Variants in CORO1B observed in about 807,000 individuals in gnomAD.
CORO1B encodes the protein coronin 1B, also known as coronin-1B.
Under a neutral mutation model 51.1 loss-of-function variants are expected in CORO1B, and 30 were observed. The observed-to-expected ratio is 0.59, with a 90% confidence interval of 0.44 to 0.80. CORO1B has a LOEUF of 0.80. Ranked by LOEUF, CORO1B falls within the 30% of genes least tolerant of loss-of-function variation. The pLI is 0.00. For synonymous variants in CORO1B, 310 were observed against 289.7 expected (o/e 1.07, Z -0.71); for missense variants, 648 against 700.4 (o/e 0.93, Z 0.84).
rs1176056721 is a variant in CORO1B, at chr11:67,441,993, G to A, written c.297C>T (p.Ala99=). Residue 99 remains alanine (A), a synonymous_variant, in exon 3 of 11, where the codon GCC becomes GCT. Transcript: ENST00000341356. ...DWCPHNDEVI[A]SGSEDCTVMV... The stretch of plus-strand genomic sequence containing the variant: ...TGACCGTGCAGTCCTCCGAGCCGCT[G>A]GCTATGACTTCGTCGTTGTGAGGAC... 6 of 1,613,156 alleles carry A rather than the reference G, an allele frequency of 3.7e-6. No homozygotes were observed. The highest frequency in any genetic ancestry group is 3.3e-5 in the Admixed American group (2 of 60,004).
chr11:67,436,712 C>G lies in CORO1B; in HGVS notation c.*1664G>C, dbSNP rs1228710345. 1.2e-5 allele frequency: 3 copies of G among 247,174 alleles called. No homozygotes were observed. The highest frequency in any genetic ancestry group is 5.0e-5 in the Admixed American group (1 of 20,066). 15.3% of individuals were successfully genotyped at this position (247,174 alleles called of 1,614,324 possible). ...AAACTTCACCCCAGTGAGGCTGAACCTGACCTTAACCTCTACCCTGATGTC... is the reference window on the plus strand; with the variant it reads ...AAACTTCACCCCAGTGAGGCTGAACGTGACCTTAACCTCTACCCTGATGTC... On this transcript the variant is annotated 3_prime_UTR_variant, in exon 11 of 11. Transcript: ENST00000341356.
Position 67,438,396 on chromosome 11 carries a change from TGCGGCCCAGCTGCTCCTCCAG to T in CORO1B, c.1429_1449del (p.Leu477_Arg483del), listed in dbSNP as rs1864329479. ...TGGCCCTACGCATCCCCGTTCTCCATGCGGCCCAGCTGCTCCTCCAGGCGGCAGATGCGGTCGCCCTGCTCC... is the reference window on the plus strand; with the variant it reads ...TGGCCCTACGCATCCCCGTTCTCCATGCGGCAGATGCGGTCGCCCTGCTCC... On this transcript the variant is annotated inframe_deletion, in exon 11 of 11. Transcript: ENST00000341356. 1.9e-6 allele frequency: 3 copies of T among 1,607,940 alleles called. No individual in the cohort carries two copies. In the South Asian group the frequency reaches 3.3e-5, roughly 18 times the overall value.
rs753471428 is a variant in CORO1B at position 67,435,944 on chromosome 11, G to A, written c.*2432C>T. 6.2e-6 allele frequency: 10 copies of A among 1,613,506 alleles called. No homozygotes were observed. In the Admixed American group the frequency reaches 1.5e-4, roughly 24 times the overall value. On this transcript the variant is annotated 3_prime_UTR_variant, in exon 11 of 11. Coordinates refer to ENST00000341356, the MANE Select transcript of CORO1B (RefSeq NM_020441.3). ...CACGGGGACCTGCTCTGGGCTGGAC[G>A]CCTCTCCACATTGCTGCTCGCCTTC... is the stretch of plus-strand genomic sequence containing the variant.
At chr11:67,439,621 A>G (rs888317668) in intron 9 of CORO1B, among the ~76,000 whole-genome samples, 165 bp downstream of exon 9, 1 of 152,104 alleles carries the variant, frequency 6.6e-6, no homozygotes, top group Non-Finnish European at 1.5e-5. Context: ...CCTGACTGGC[A>G]CAGCCCAACA....
Position 67,436,345 on chromosome 11 carries a change from C to T in CORO1B, c.*2031G>A. 1 of 1,467,898 alleles carries T rather than the reference C, an allele frequency of 6.8e-7. No homozygotes were observed. The highest frequency in any genetic ancestry group is 9.0e-7 in the Non-Finnish European group (1 of 1,110,410). The allele number at this position is 1,467,898 out of a possible 1,614,324, so 90.9% of individuals were successfully genotyped here. ...GCATCCCGAGCCCTAAGGTGCAGGG[C>T]AGAGCCTGTGGGAGACAGGCAGGGG... On this transcript the variant is annotated 3_prime_UTR_variant, in exon 11 of 11. Transcript: ENST00000341356.
Position 67,435,685 on chromosome 11 carries a change from C to T in CORO1B, c.*2691G>A, listed in dbSNP as rs377743059. ...GCCATGGCATCTTGGGAAGCAGAGGCACGGGGAGTGAGCGGCTGTGACAGG... is the reference window on the plus strand; with the variant it reads ...GCCATGGCATCTTGGGAAGCAGAGGTACGGGGAGTGAGCGGCTGTGACAGG... On this transcript the variant is annotated 3_prime_UTR_variant, in exon 11 of 11. Coordinates refer to ENST00000341356, the MANE Select transcript of CORO1B (RefSeq NM_020441.3). The T allele has an allele frequency of 5.1e-5, 76 of 1,496,884 alleles. No individual in the cohort carries two copies. The highest frequency in any genetic ancestry group is 1.8e-4 in the Middle Eastern group (1 of 5,498). The allele number at this position is 1,496,884 out of a possible 1,614,324, so 92.7% of individuals were successfully genotyped here. A position where few individuals can be genotyped will look rare whatever the true frequency, so the allele number is the denominator to read the frequency against.
rs887135729 is a variant in CORO1B, at chr11:67,438,139, C to T, written c.*237G>A. 16 of 466,104 alleles carry T rather than the reference C, an allele frequency of 3.4e-5. No homozygotes were observed. Among genetic ancestry groups the T allele is most frequent in the Non-Finnish European group, 4.9e-5 (13 of 266,204 alleles). The allele number at this position is 466,104 out of a possible 1,614,324, so 28.9% of individuals were successfully genotyped here. On this transcript the variant is annotated 3_prime_UTR_variant, in exon 11 of 11. Transcript: ENST00000341356. ...AGGGAGCAGAGGGCTGGGCAGTGGT[C>T]GGGGAGATGGTCCCTCAGAGGTCGA...
Position 67,435,741 on chromosome 11 carries a change from C to T in CORO1B, c.*2635G>A, listed in dbSNP as rs149195438. 44 of 1,536,776 alleles carry T rather than the reference C, an allele frequency of 2.9e-5. No individual in the cohort carries two copies. The highest frequency in any genetic ancestry group is 1.5e-4 in the African/African-American group (11 of 73,068). On this transcript the variant is annotated 3_prime_UTR_variant, in exon 11 of 11. Coordinates refer to ENST00000341356, the MANE Select transcript of CORO1B (RefSeq NM_020441.3). ...GACACCAAGACCGGCCTCTACAGTG[C>T]GGTGACATGGAGGCCCTGGCCCCCA...
Position 67,441,980 on chromosome 11 carries a change from C to A in CORO1B, c.310G>T (p.Asp104Tyr), listed in dbSNP as rs1188837652. 1.2e-6 allele frequency: 2 copies of A among 1,612,996 alleles called. No homozygotes were observed. The highest frequency in any genetic ancestry group is 2.7e-5 in the African/African-American group (2 of 74,940). The change falls in exon 3 of 11, where the codon GAC (aspartate) becomes TAC (tyrosine). Residue 104 changes from aspartate to tyrosine, a missense_variant. Coordinates refer to ENST00000341356, the MANE Select transcript of CORO1B (RefSeq NM_020441.3). Reference sequence around the variant, plus strand: ...CTGTGCCTCACCATGACCGTGCAGTCCTCCGAGCCGCTGGCTATGACTTCG... The same window carrying A: ...CTGTGCCTCACCATGACCGTGCAGTACTCCGAGCCGCTGGCTATGACTTCG... ...NDEVIASGSE[D>Y]CTVMVWQIPE...
Position 67,438,706 on chromosome 11 carries a change from C to G in CORO1B, c.1309G>C (p.Asp437His), listed in dbSNP as rs1864337638. Residue 437 changes from aspartate to histidine, a missense_variant, in exon 10 of 11, where the codon GAT becomes CAT. Coordinates refer to ENST00000341356, the MANE Select transcript of CORO1B (RefSeq NM_020441.3). ...GAPASTTTAA[D>H]ATPSGSLARA... ...GCCAGGCTGCCGCTGGGGGTGGCAT[C>G]AGCAGCAGTGGTGGTGGAGGCGGGG... 2 of 1,551,532 alleles carry G rather than the reference C, an allele frequency of 1.3e-6. No individual in the cohort carries two copies. The highest frequency in any genetic ancestry group is 1.7e-6 in the Non-Finnish European group (2 of 1,151,560).
Position 67,441,972 on chromosome 11 carries a change from C to G in CORO1B, c.318G>C (p.Thr106=), listed in dbSNP as rs753102227. Residue 106 remains threonine, a synonymous_variant, in exon 3 of 11, where the codon ACG becomes ACC. Coordinates refer to ENST00000341356, the MANE Select transcript of CORO1B (RefSeq NM_020441.3). ...AGCCAGTCCTGTGCCTCACCATGACCGTGCAGTCCTCCGAGCCGCTGGCTA... is the reference window on the plus strand; with the variant it reads ...AGCCAGTCCTGTGCCTCACCATGACGGTGCAGTCCTCCGAGCCGCTGGCTA... The part of the protein sequence containing the change: ...EVIASGSEDC[T]VMVWQIPENG... 6.2e-7 allele frequency: 1 copy of G among 1,613,136 alleles called. No individual in the cohort carries two copies. Among genetic ancestry groups the G allele is most frequent in the South Asian group, 1.1e-5 (1 of 91,080 alleles).
At position 67,436,013 on chromosome 11, in the gene CORO1B, T is replaced by G; in HGVS notation, c.*2363A>C. On this transcript the variant is annotated 3_prime_UTR_variant, in exon 11 of 11. Coordinates refer to ENST00000341356, the MANE Select transcript of CORO1B (RefSeq NM_020441.3). ...GCCACCATCCGCGACGTGGTCATAG[T>G]CTGTGTCCTGCTCATCCTCCTGTCG... The G allele has an allele frequency of 6.2e-7, 1 of 1,613,710 alleles. No individual in the cohort carries two copies. Among genetic ancestry groups the G allele is most frequent in the Non-Finnish European group, 8.5e-7 (1 of 1,179,866 alleles).
At position 67,438,131 on chromosome 11, in the gene CORO1B, G is replaced by A. The variant is rs1273759294; in HGVS notation, c.*245C>T. 6.6e-6 allele frequency: 3 copies of A among 456,004 alleles called. No homozygotes were observed. In the Admixed American group the frequency reaches 1.1e-4, roughly 17 times the overall value. The allele number at this position is 456,004 out of a possible 1,614,324, so 28.2% of individuals were successfully genotyped here. On this transcript the variant is annotated 3_prime_UTR_variant, in exon 11 of 11. Coordinates refer to ENST00000341356, the MANE Select transcript of CORO1B (RefSeq NM_020441.3). ...CTCTGGGGAGGGAGCAGAGGGCTGG[G>A]CAGTGGTCGGGGAGATGGTCCCTCA...
intron 1 of CORO1B, 47 bp downstream of exon 1, chr11:67,443,357 G>GCCCAGCC: frequency 3.9e-6 from 2 of 508,160 alleles, no homozygotes; most frequent in Non-Finnish European, 5.1e-6. Context: ...CTGCAGCCCC[G>GCCCAGCC]CCCAGCCCCC....
Position 67,438,694 on chromosome 11 carries a change from T to TG in CORO1B, c.1320dup (p.Ser441GlnfsTer77). ...ACCCCGGCTCTGGCCAGGCTGCCGC[T>TG]GGGGGTGGCATCAGCAGCAGTGGTG... is the stretch of plus-strand genomic sequence containing the variant. On this transcript the variant is annotated frameshift_variant, in exon 10 of 11. Transcript: ENST00000341356. LOFTEE classifies it high-confidence loss of function. The TG allele has an allele frequency of 6.5e-7, 1 of 1,546,008 alleles. No homozygotes were observed.
chr11:67,436,368 G>A lies in CORO1B; in HGVS notation c.*2008C>T. On this transcript the variant is annotated 3_prime_UTR_variant, in exon 11 of 11. Transcript: ENST00000341356. Reference sequence around the variant, plus strand: ...GGCAGAGCCTGTGGGAGACAGGCAGGGGCTCAGAGGGCTCAGCACCTGGGG... The same window carrying A: ...GGCAGAGCCTGTGGGAGACAGGCAGAGGCTCAGAGGGCTCAGCACCTGGGG... 7.0e-7 allele frequency: 1 copy of A among 1,437,470 alleles called. No homozygotes were observed. Among genetic ancestry groups the A allele is most frequent in the Non-Finnish European group, 9.1e-7 (1 of 1,097,956 alleles). 89.0% of individuals were successfully genotyped at this position (1,437,470 alleles called of 1,614,324 possible).
chr11:67,439,078 C>T, intron 9 of CORO1B, 129 bp from the exon 10 acceptor site: 1 of 1,034,606 alleles, frequency 9.7e-7, no homozygotes, highest in Non-Finnish European at 1.4e-6. Flanking sequence ...TCAAATCTGG[C>T]CTTTAACTTC....
At position 67,437,172 on chromosome 11, in the gene CORO1B, C is replaced by T. The variant is rs978573775; in HGVS notation, c.*1204G>A. 2.5e-5 allele frequency: 4 copies of T among 157,888 alleles called. No individual in the cohort carries two copies. Among genetic ancestry groups the T allele is most frequent in the African/African-American group, 9.6e-5 (4 of 41,684 alleles). The allele number at this position is 157,888 out of a possible 1,614,324, so 9.8% of individuals were successfully genotyped here. Reference sequence around the variant, plus strand: ...AGGGTTTCCGTTCCACTCCCAGTCCCTGAGGGCCACAGGCGTGCAGGGCCG... The same window carrying T: ...AGGGTTTCCGTTCCACTCCCAGTCCTTGAGGGCCACAGGCGTGCAGGGCCG... On this transcript the variant is annotated 3_prime_UTR_variant, in exon 11 of 11. Coordinates refer to ENST00000341356, the MANE Select transcript of CORO1B (RefSeq NM_020441.3).
chr11:67,443,569 G>C, upstream of CORO1B: 1 of 715,276 alleles, frequency 1.4e-6, no homozygotes, highest in Non-Finnish European at 1.7e-6. Context: ...GGAGGGGCTG[G>C]GCGGGAGGCT....
Sources: allele counts gnomAD v4.1 joint callset (sites outside exome capture counted in the v4.1 genomes callset), GRCh38; gene constraint gnomAD v4.1.1; transcripts MANE v1.5; gene names NCBI Gene and HGNC (gene_info 2026-07-23, HGNC 2026-07-21).